The following COL16A1 variants were observed in gnomAD, a reference collection of about 807,000 sequenced individuals.
COL16A1 encodes the protein collagen alpha-1(XVI) chain.
A neutral mutation model predicts 266.3 loss-of-function variants in COL16A1; 189 were observed. The observed-to-expected ratio is 0.71, with a 90% CI of 0.63 to 0.80. The LOEUF (loss-of-function observed/expected upper bound fraction) is 0.80. Ranked by LOEUF, COL16A1 falls within the 30% of genes least tolerant of loss-of-function variation. The pLI, the probability that COL16A1 is intolerant of heterozygous loss-of-function variation, is 0.00. For missense variants in COL16A1, 1,928 were observed against 2,122.4 expected, an observed-to-expected ratio of 0.91 and a Z score of 1.80; for synonymous variants, 740 against 782.3, an observed-to-expected ratio of 0.95 and a Z score of 0.90.
Position 31,697,193 on chromosome 1 carries a change from G to T in COL16A1, c.738+27C>A, listed in dbSNP as rs1280878323. 6.2e-7 allele frequency: 1 copy of T among 1,613,186 alleles called. No individual in the cohort carries two copies. The highest frequency in any genetic ancestry group is 8.5e-7 in the Non-Finnish European group (1 of 1,179,658). On this transcript the variant is annotated intron_variant, in intron 7 of 70. Transcript: ENST00000373672. The surrounding 1 kb of genome is among the most constrained non-coding windows in gnomAD (Gnocchi z 4.2). Reference sequence around the variant, plus strand: ...CTCATCTCCAGCACAGTGTGTCCCTGGGCAGCCCAAGGGCCGGGCCACTCA... The same window carrying T: ...CTCATCTCCAGCACAGTGTGTCCCTTGGCAGCCCAAGGGCCGGGCCACTCA...
chr1:31,682,738 G>C (rs185246415), intron 37 of COL16A1, among the ~76,000 whole-genome samples, 196 bp downstream of exon 37: 15 of 152,298 alleles, frequency 9.8e-5, no homozygotes, highest in Admixed American at 3.9e-4. Context: ...CTCAAAAAAT[G>C]GTGGTGATCA....
Position 31,665,247 on chromosome 1 carries a change from A to G in COL16A1, c.3493-13T>C. Reference sequence around the variant, plus strand: ...ATCCAGGGGGACCCTGTATCAACAAAGGGGCAGGCAGGAATGAAAGTGGGG... The same window carrying G: ...ATCCAGGGGGACCCTGTATCAACAAGGGGGCAGGCAGGAATGAAAGTGGGG... On this transcript the variant is annotated splice_polypyrimidine_tract_variant and intron_variant, in intron 55 of 70. Transcript: ENST00000373672. 1 of 1,585,778 alleles carries G rather than the reference A, an allele frequency of 6.3e-7. No homozygotes were observed.
chr1:31,684,600 T>A lies in COL16A1; in HGVS notation c.2083A>T (p.Thr695Ser). 1 of 1,613,624 alleles carries A rather than the reference T, an allele frequency of 6.2e-7. No individual in the cohort carries two copies. The change falls in exon 31 of 71, where the codon ACG becomes TCG. Residue 695 changes from threonine (T) to serine (S), a missense_variant. Thr to Ser is a moderately conservative substitution (Grantham distance 58, BLOSUM62 1). Coordinates refer to ENST00000373672, the MANE Select transcript of COL16A1 (RefSeq NM_001856.4). ...GDAGNPGDPG[T>S]PGTTGRPGLS... Reference sequence around the variant, plus strand: ...CCTGGCCGCCCTGTGGTGCCCGGCGTTCCAGGGTCTCCAGGATTCCCAGCA... The same window carrying A: ...CCTGGCCGCCCTGTGGTGCCCGGCGATCCAGGGTCTCCAGGATTCCCAGCA...
rs369659099 is a variant in COL16A1 at position 31,697,457 on chromosome 1, G to A, written c.658-157C>T. Among the ~76,000 whole-genome samples the A allele has an allele frequency of 3.3e-5, 5 of 152,288 alleles. No individual in the cohort carries two copies. The highest frequency in any genetic ancestry group is 1.2e-4 in the African/African-American group (5 of 41,552). ...ATCAAAAATAGAGTTGTCACCAAAG[G>A]CAGAACAAAACTGCGCACACAGGAA... On this transcript the variant is annotated intron_variant, in intron 6 of 70. Coordinates refer to ENST00000373672, the MANE Select transcript of COL16A1 (RefSeq NM_001856.4). This position sits in a 1 kb window ranked among gnomAD's most constrained non-coding sequence, Gnocchi z 4.2.
At position 31,690,544 on chromosome 1, in the gene COL16A1, G is replaced by A. The variant is rs745939056; in HGVS notation, c.1467C>T (p.Gly489=). The A allele has an allele frequency of 6.2e-7, 1 of 1,613,868 alleles. No individual in the cohort carries two copies. The highest frequency in any genetic ancestry group is 8.5e-7 in the Non-Finnish European group (1 of 1,179,872). ...KGSSGIPGKE[G]PGGKPGKPGV... The stretch of plus-strand genomic sequence containing the variant: ...TGTCACTCACAGGTTTCCCACCAGG[G>A]CCTTCCTTTCCTGGGATCCCCGAGC... The change falls in exon 21 of 71, where the codon GGC becomes GGT. Residue 489 remains glycine (G), a synonymous_variant. Transcript: ENST00000373672.
rs1360178953 is a variant in COL16A1, at chr1:31,702,176, A to T, written c.18T>A (p.Ala6=). 1.9e-6 allele frequency: 3 copies of T among 1,614,038 alleles called. No individual in the cohort carries two copies. The highest frequency in any genetic ancestry group is 1.3e-5 in the African/African-American group (1 of 74,914). Residue 6 remains alanine (A), a synonymous_variant, in exon 2 of 71, where the codon GCT becomes GCA. Coordinates refer to ENST00000373672, the MANE Select transcript of COL16A1 (RefSeq NM_001856.4). ...AAAGACCGAGCAGCCACAGGCCAGG[A>T]GCCCAGGATACCCACATCCCGGTCC... The part of the protein sequence containing the change: MWVSW[A]PGLWLLGLWA...
At position 31,661,061 on chromosome 1, in the gene COL16A1, C is replaced by T. The variant is rs1211300822; in HGVS notation, c.3825+5G>A. The T allele has an allele frequency of 1.3e-6, 2 of 1,561,862 alleles. No homozygotes were observed. Among genetic ancestry groups the T allele is most frequent in the Admixed American group, 1.9e-5 (1 of 52,118 alleles). On this transcript the variant is annotated splice_donor_5th_base_variant and intron_variant, in intron 61 of 70. Coordinates refer to ENST00000373672, the MANE Select transcript of COL16A1 (RefSeq NM_001856.4). ...AAGGCAGCCATGTGGATCCCTGGCC[C>T]TCACCTCTGCGCCAGGCCGGCCAGT...
chr1:31,697,339 C>A lies in COL16A1; in HGVS notation c.658-39G>T, dbSNP rs1175274260. 6.4e-7 allele frequency: 1 copy of A among 1,558,022 alleles called. No homozygotes were observed. Among genetic ancestry groups the A allele is most frequent in the African/African-American group, 1.4e-5 (1 of 73,400 alleles). Reference sequence around the variant, plus strand: ...ACACATCAATTTCACTTCATTTTATCAAATAGCTCTGTGTCCTGGCCCCCC... The same window carrying A: ...ACACATCAATTTCACTTCATTTTATAAAATAGCTCTGTGTCCTGGCCCCCC... On this transcript the variant is annotated intron_variant, in intron 6 of 70. Transcript: ENST00000373672. The surrounding 1 kb of genome is among the most constrained non-coding windows in gnomAD (Gnocchi z 4.2).
chr1:31,684,568 T>G lies in COL16A1; in HGVS notation c.2115A>C (p.Ser705=). ...TPGTTGRPGL[S]GEPGVQGPAG... Reference sequence around the variant, plus strand: ...CGGGGCCCTGAACTCCAGGCTCTCCTGACAGTCCTGGCCGCCCTGTGGTGC... The same window carrying G: ...CGGGGCCCTGAACTCCAGGCTCTCCGGACAGTCCTGGCCGCCCTGTGGTGC... Residue 705 remains serine (S), a synonymous_variant, in exon 31 of 71, where the codon TCA becomes TCC. Transcript: ENST00000373672. The G allele has an allele frequency of 6.2e-7, 1 of 1,613,888 alleles. No homozygotes were observed. Among genetic ancestry groups the G allele is most frequent in the Non-Finnish European group, 8.5e-7 (1 of 1,179,988 alleles).
chr1:31,679,268 G>A (rs2148744563), intron 42 of COL16A1: 1 of 805,826 alleles, frequency 1.2e-6, no homozygotes, highest in East Asian at 2.7e-5. Context: ...AGCAGTTAAA[G>A]CAGTGCCAGA....
At chr1:31,661,303 G>C in intron 60 of COL16A1, 111 bp downstream of exon 60, 1 of 1,560,876 alleles carries the variant, frequency 6.4e-7, no homozygotes. Context: ...GCCCCAGGAG[G>C]CTCTGATGCT....
At position 31,664,813 on chromosome 1, in the gene COL16A1, C is replaced by T. The variant is rs967009039; in HGVS notation, c.3555+359G>A. Among the ~76,000 whole-genome samples the T allele has an allele frequency of 1.3e-5, 2 of 152,128 alleles. No individual in the cohort carries two copies. The highest frequency in any genetic ancestry group is 1.9e-4 in the East Asian group (1 of 5,174). On this transcript the variant is annotated intron_variant, in intron 56 of 70. Coordinates refer to ENST00000373672, the MANE Select transcript of COL16A1 (RefSeq NM_001856.4). This position sits in a 1 kb window ranked among gnomAD's most constrained non-coding sequence, Gnocchi z 5.5. ...TCTCTCAGCTCCTCGCTCATCCTCC[C>T]GCCCAGGAGACGAAGGTGGCCTGGG...
Position 31,661,457 on chromosome 1 carries a change from C to A in COL16A1, c.3728G>T (p.Gly1243Val). 1 of 1,614,186 alleles carries A rather than the reference C, an allele frequency of 6.2e-7. No individual in the cohort carries two copies. The highest frequency in any genetic ancestry group is 1.1e-5 in the South Asian group (1 of 91,090). The stretch of plus-strand genomic sequence containing the variant: ...AGGATGTCCTGTTTTCCCCTTAAAG[C>A]CCTGAAAGAAAAAGCAGGGAGTTCT... ...AGPPGLMGPPGFKGKTGHPGL... is the reference protein window; with the variant it reads ...AGPPGLMGPPVFKGKTGHPGL... Residue 1243 changes from glycine to valine, a missense_variant and splice_region_variant, in exon 60 of 71, where the codon GGC (glycine) becomes GTC (valine). Physicochemically the swap from Gly to Val is moderately radical, Grantham distance 109 (BLOSUM62 -3). This residue lies in a region of COL16A1 where 1,552 missense variants were observed against 1,637.2 expected (regional missense o/e 0.95). Transcript: ENST00000373672.
intron 42 of COL16A1, among the ~76,000 whole-genome samples, chr1:31,676,990 T>A (rs1643243253): frequency 6.6e-6 from 1 of 152,216 alleles, no homozygotes; most frequent in Non-Finnish European, 1.5e-5. Flanking sequence ...CCAGCCACCA[T>A]CCAGGCCCCC....
intron 55 of COL16A1, 66 bp downstream of exon 55, chr1:31,665,517 G>T: frequency 6.2e-7 from 1 of 1,613,320 alleles, no homozygotes; most frequent in South Asian, 1.1e-5. Context: ...AGCCTGGCCT[G>T]GTCAGGCCTG....
chr1:31,656,935 T>A lies in COL16A1; in HGVS notation c.4056+98A>T. 1 of 1,534,972 alleles carries A rather than the reference T, an allele frequency of 6.5e-7. No individual in the cohort carries two copies. The highest frequency in any genetic ancestry group is 9.0e-7 in the Non-Finnish European group (1 of 1,111,170). On this transcript the variant is annotated intron_variant, in intron 65 of 70. Coordinates refer to ENST00000373672, the MANE Select transcript of COL16A1 (RefSeq NM_001856.4). The surrounding 1 kb of genome is among the most constrained non-coding windows in gnomAD (Gnocchi z 4.2). ...ACAATTTCCAGAGACAGCCCGTACATAGAAGGAATGTTTACTGAAAAAAAT... is the reference window on the plus strand; with the variant it reads ...ACAATTTCCAGAGACAGCCCGTACAAAGAAGGAATGTTTACTGAAAAAAAT...
In COL16A1 at chr1:31,672,732, A is replaced by C. The variant is rs1277052990; in HGVS notation, c.2968T>G (p.Cys990Gly). The change falls in exon 45 of 71, where the codon TGC (cysteine) becomes GGC (glycine). Residue 990 changes from cysteine to glycine, a missense_variant. Coordinates refer to ENST00000373672, the MANE Select transcript of COL16A1 (RefSeq NM_001856.4). ...GIPGVPGLDN[C>G]AQCFLSLERP... ...CAAGCCCAGTCCCTTACCTGGGCGCAGTTGTCGAGGCCTGGCACACCAGGG... is the reference window on the plus strand; with the variant it reads ...CAAGCCCAGTCCCTTACCTGGGCGCCGTTGTCGAGGCCTGGCACACCAGGG... The C allele has an allele frequency of 2.5e-6, 4 of 1,614,014 alleles. No homozygotes were observed. Among genetic ancestry groups the C allele is most frequent in the Non-Finnish European group, 3.4e-6 (4 of 1,179,940 alleles).
rs1557675775 is a variant in COL16A1, at chr1:31,688,464, C to T, written c.1803+3G>A. 2 of 1,614,180 alleles carry T rather than the reference C, an allele frequency of 1.2e-6. No individual in the cohort carries two copies. The highest frequency in any genetic ancestry group is 2.2e-5 in the East Asian group (1 of 44,892). Reference sequence around the variant, plus strand: ...TGTCCCTGACATCTAACCCAGGTCTCACCTTCTCTCCTTTCAGCCCTGGAA... The same window carrying T: ...TGTCCCTGACATCTAACCCAGGTCTTACCTTCTCTCCTTTCAGCCCTGGAA... On this transcript the variant is annotated splice_donor_region_variant and intron_variant, in intron 26 of 70. Transcript: ENST00000373672. The surrounding 1 kb of genome is among the most constrained non-coding windows in gnomAD (Gnocchi z 4.9).
At chr1:31,671,696 C>T (rs1642723650) in intron 47 of COL16A1, 37 bp from the exon 48 acceptor site, 3 of 1,613,496 alleles carry the variant, frequency 1.9e-6, no homozygotes, top group Non-Finnish European at 2.5e-6. Context: ...TGAAGAGGCC[C>T]AGGCCCCATA....
Sources: allele counts gnomAD v4.1 joint callset (sites outside exome capture counted in the v4.1 genomes callset), GRCh38; gene constraint gnomAD v4.1.1; regional missense constraint gnomAD v4.1.1; non-coding constraint Gnocchi (gnomAD v3.1); transcripts MANE v1.5; gene names NCBI Gene and HGNC (gene_info 2026-07-23, HGNC 2026-07-21).